Variants in TNS3 observed in about 807,000 individuals in gnomAD.
TNS3 encodes the protein tensin 3.
In TNS3, 45 loss-of-function variants were observed where a neutral mutation model predicts 140.9. That is an observed-to-expected ratio of 0.32 (90% CI 0.25 to 0.41). TNS3 has a LOEUF of 0.41. Among genes scored for constraint, TNS3 ranks in the 10% least tolerant of loss-of-function variants. The pLI is 1.00. For synonymous variants in TNS3, 815 were observed against 788.4 expected (o/e 1.03, Z -0.56); for missense variants, 1,716 against 1,906.7 (o/e 0.90, Z 1.86).
At chr7:47,297,325 G>C in intron 23 of TNS3, 112 bp from the exon 24 acceptor site, 12 of 1,322,682 alleles carry the variant, frequency 9.1e-6, no homozygotes, top group Non-Finnish European at 1.1e-5. Context: ...AACTGGATCA[G>C]TGGGGACCTG....
intron 10 of TNS3, among the ~76,000 whole-genome samples, chr7:47,418,967 A>G (rs921465938): frequency 6.6e-6 from 1 of 152,262 alleles, no homozygotes; most frequent in African/African-American, 2.4e-5. Context: ...GCACTCACAG[A>G]GTCAGCCATG....
intron 4 of TNS3, among the ~76,000 whole-genome samples, chr7:47,446,779 A>G (rs1055771524): frequency 2.1e-5 from 3 of 140,730 alleles, no homozygotes; most frequent in African/African-American, 8.1e-5. Context: ...CCTCTCAGTG[A>G]CTTCTCGGGC....
intron 17 of TNS3, among the ~76,000 whole-genome samples, chr7:47,347,775 G>C (rs1293132276): frequency 6.6e-6 from 1 of 152,214 alleles, no homozygotes; most frequent in African/African-American, 2.4e-5. Flanking sequence ...GGAGGAAGAA[G>C]TGTGCGTTAG....
chr7:47,498,359 G>T (rs761936968), intron 3 of TNS3, among the ~76,000 whole-genome samples: 3 of 152,174 alleles, frequency 2.0e-5, no homozygotes, highest in African/African-American at 4.8e-5. Context: ...CAGGATGCAG[G>T]GACCCACATT....
intron 9 of TNS3, among the ~76,000 whole-genome samples, chr7:47,427,482 A>G (rs1388474729): frequency 1.3e-5 from 2 of 152,252 alleles, no homozygotes; most frequent in Non-Finnish European, 2.9e-5. Flanking sequence ...CAAAGAGGCC[A>G]TTGAGAAGAC....
chr7:47,509,054 A>G (rs1798516150), intron 2 of TNS3, among the ~76,000 whole-genome samples: 1 of 152,172 alleles, frequency 6.6e-6, no homozygotes, highest in Non-Finnish European at 1.5e-5. Flanking sequence ...ACAGATGCTT[A>G]CTGCTATGTT....
chr7:47,390,367 C>T (rs1047090865), intron 16 of TNS3, among the ~76,000 whole-genome samples: 6 of 152,228 alleles, frequency 3.9e-5, no homozygotes, highest in African/African-American at 9.7e-5. Context: ...CTGCAGCCAG[C>T]ACTTCCTGAC....
chr7:47,337,180 C>T (rs979742536), intron 20 of TNS3, among the ~76,000 whole-genome samples: 1 of 152,256 alleles, frequency 6.6e-6, no homozygotes, highest in African/African-American at 2.4e-5. Flanking sequence ...GATCCTTTTG[C>T]TCTATTCCTC....
intron 16 of TNS3, among the ~76,000 whole-genome samples, chr7:47,389,002 GGAAGAAGAAGAAGAAGAA>G (rs1175410885): frequency 4.5e-3 from 30 of 6,652 alleles, no homozygotes; most frequent in African/African-American, 5.8e-3. Context: ...AGAAGAAGAA[GGAAGAAGAAGAAGAAGAA>G]GAAGAAGAAG....
At position 47,576,037 on chromosome 7, in the gene TNS3, G is replaced by A. The variant is rs548591484; in HGVS notation, c.-265+6014C>T. ...CCCTTTCCTCCAGCCCTGTCCACCC[G>A]GCTCTGCAGGTCTTTCCAGAGGAGA... is the stretch of plus-strand genomic sequence containing the variant. On this transcript the variant is annotated intron_variant, in intron 1 of 30. Transcript: ENST00000311160. 1.1e-4 allele frequency among the ~76,000 whole-genome samples: 16 copies of A among 152,088 alleles called. 1 individual carries two copies. The highest frequency in any genetic ancestry group is 3.3e-4 in the Admixed American group (5 of 15,266).
intron 17 of TNS3, among the ~76,000 whole-genome samples, chr7:47,356,949 A>T (rs933887153): frequency 6.0e-5 from 9 of 150,274 alleles, no homozygotes; most frequent in African/African-American, 2.2e-4. Context: ...TGATCCAGGC[A>T]TGGTGGCACA....
chr7:47,531,399 T>C (rs1799398845), intron 1 of TNS3, among the ~76,000 whole-genome samples: 1 of 152,034 alleles, frequency 6.6e-6, no homozygotes, highest in South Asian at 2.1e-4. Context: ...GATATACAAT[T>C]AAAGCCCAAA....
Position 47,478,134 on chromosome 7 carries a change from C to T in TNS3, c.-76+2969G>A, listed in dbSNP as rs1456293114. 3.3e-5 allele frequency among the ~76,000 whole-genome samples: 5 copies of T among 152,324 alleles called. No homozygotes were observed. In the South Asian group the frequency reaches 6.2e-4, roughly 19 times the overall value. On this transcript the variant is annotated intron_variant, in intron 4 of 30. Coordinates refer to ENST00000311160, the MANE Select transcript of TNS3 (RefSeq NM_022748.12). Reference sequence around the variant, plus strand: ...AAGGCCACCCCTGACTGCACGCCCACGGGCTGATCTCTGCCCCAGTTCCAG... The same window carrying T: ...AAGGCCACCCCTGACTGCACGCCCATGGGCTGATCTCTGCCCCAGTTCCAG...
chr7:47,298,476 T>G (rs1786183675), intron 23 of TNS3, among the ~76,000 whole-genome samples: 2 of 152,070 alleles, frequency 1.3e-5, no homozygotes, highest in Admixed American at 6.6e-5. Context: ...CAAGCCAGAG[T>G]GTTCCCTGAT....
intron 2 of TNS3, among the ~76,000 whole-genome samples, chr7:47,525,242 C>T (rs111826565): frequency 6.6e-6 from 1 of 152,122 alleles, no homozygotes; most frequent in Non-Finnish European, 1.5e-5. Context: ...TGCCTCCCAC[C>T]GAAGCAGAAC....
chr7:47,527,696 T>C (rs1799248816), intron 2 of TNS3, among the ~76,000 whole-genome samples: 1 of 152,144 alleles, frequency 6.6e-6, no homozygotes, highest in African/African-American at 2.4e-5. Flanking sequence ...GAGAATCACT[T>C]GAGGCCAAGA....
At chr7:47,468,329 T>A (rs1332259253) in intron 4 of TNS3, among the ~76,000 whole-genome samples, 1 of 152,120 alleles carries the variant, frequency 6.6e-6, no homozygotes, top group Non-Finnish European at 1.5e-5. Flanking sequence ...TAATCGCAGC[T>A]ACTCGGGAGG....
chr7:47,541,914 A>T (rs1315633070), intron 1 of TNS3, among the ~76,000 whole-genome samples: 2 of 149,422 alleles, frequency 1.3e-5, no homozygotes, highest in African/African-American at 5.1e-5. Context: ...GTGCCACTGC[A>T]CTCCAGTGTG....
intron 20 of TNS3, 57 bp downstream of exon 20, chr7:47,344,698 C>A: frequency 6.6e-7 from 1 of 1,512,236 alleles, no homozygotes. Context: ...AAAATGGCGA[C>A]CCCGCGATGC....
Sources: allele counts gnomAD v4.1 joint callset (sites outside exome capture counted in the v4.1 genomes callset), GRCh38; gene constraint gnomAD v4.1.1; transcripts MANE v1.5; gene names NCBI Gene and HGNC (gene_info 2026-07-23, HGNC 2026-07-21).